The following ADAMTSL1 variants were observed in gnomAD, a reference collection of about 807,000 sequenced individuals.
ADAMTSL1 encodes the protein ADAMTS-like protein 1.
A neutral mutation model predicts 201.8 loss-of-function variants in ADAMTSL1; 126 were observed. That is an observed-to-expected ratio of 0.62 (90% CI 0.54 to 0.72). The LOEUF is 0.72. Among genes scored for constraint, ADAMTSL1 ranks in the 30% least tolerant of loss-of-function variants. The probability of loss-of-function intolerance (pLI) is 0.00; values close to 1 mark genes in which losing one functional copy is unlikely to be tolerated. For synonymous variants in ADAMTSL1, 1,121 were observed against 903.4 expected (o/e 1.24, Z -4.32); for missense variants, 2,679 against 2,277.8 (o/e 1.18, Z -3.59).
At chr9:18,665,618 A>G (rs1201150961) in intron 9 of ADAMTSL1, among the ~76,000 whole-genome samples, 1 of 152,024 alleles carries the variant, frequency 6.6e-6, no homozygotes, top group Non-Finnish European at 1.5e-5. Flanking sequence ...CACTCTACAC[A>G]TCTGTCTATT....
chr9:18,372,312 C>T (rs530280287), intron 2 of ADAMTSL1, among the ~76,000 whole-genome samples: 4 of 152,208 alleles, frequency 2.6e-5, no homozygotes, highest in East Asian at 3.9e-4. Flanking sequence ...GGGAAGGATA[C>T]GAATGAGTAA....
chr9:18,720,029 G>A (rs747011081), intron 14 of ADAMTSL1, among the ~76,000 whole-genome samples: 28 of 152,168 alleles, frequency 1.8e-4, no homozygotes, highest in Non-Finnish European at 2.4e-4. Context: ...ATCTTTAAAT[G>A]TAAGTATCTT....
intron 3 of ADAMTSL1, among the ~76,000 whole-genome samples, chr9:18,559,760 C>T (rs1237985878): frequency 6.6e-6 from 1 of 152,140 alleles, no homozygotes; most frequent in Non-Finnish European, 1.5e-5. Flanking sequence ...ATTTTATTCT[C>T]TTTGTAGCAA....
intron 4 of ADAMTSL1, among the ~76,000 whole-genome samples, chr9:18,594,442 T>C (rs1192624140): frequency 1.3e-5 from 2 of 152,194 alleles, no homozygotes; most frequent in African/African-American, 4.8e-5. Flanking sequence ...CAGTTCCCTC[T>C]TTAACACCAG....
chr9:18,661,850 T>C, intron 8 of ADAMTSL1, 85 bp from the exon 9 acceptor site: 3 of 1,375,932 alleles, frequency 2.2e-6, no homozygotes, highest in East Asian at 2.5e-5. Flanking sequence ...ATAATTTCCA[T>C]TGATGTGAGC....
chr9:18,095,416 CTTTTTTTTTTTT>C (rs35164794), intron 1 of ADAMTSL1, among the ~76,000 whole-genome samples: 6,260 of 100,234 alleles, frequency 0.062, 445 homozygotes, highest in African/African-American at 0.19. Context: ...TTCTTTCTTT[CTTTTTTTTTTTT>C]TTTTTTTTTT....
intron 2 of ADAMTSL1, among the ~76,000 whole-genome samples, chr9:18,355,483 A>T (rs1404802424): frequency 6.6e-6 from 1 of 152,172 alleles, no homozygotes; most frequent in Non-Finnish European, 1.5e-5. Context: ...TTAAAATTGT[A>T]TAAGCCCTTT....
At chr9:18,149,295 G>A (rs1396402237) in intron 1 of ADAMTSL1, among the ~76,000 whole-genome samples, 1 of 152,010 alleles carries the variant, frequency 6.6e-6, no homozygotes, top group Non-Finnish European at 1.5e-5. Flanking sequence ...AGCCATAGAG[G>A]AGCAGATGAT....
intron 9 of ADAMTSL1, among the ~76,000 whole-genome samples, chr9:18,666,716 T>C (rs139103827): frequency 6.6e-6 from 1 of 152,294 alleles, no homozygotes; most frequent in East Asian, 1.9e-4. Context: ...AGGTCCATCA[T>C]GTGGCCAGAA....
chr9:18,671,849 A>G (rs1177083619), intron 9 of ADAMTSL1, among the ~76,000 whole-genome samples: 1 of 152,116 alleles, frequency 6.6e-6, no homozygotes, highest in East Asian at 1.9e-4. Flanking sequence ...CATCCTGGCT[A>G]ACAAGGTGAA....
intron 2 of ADAMTSL1, among the ~76,000 whole-genome samples, chr9:18,392,790 T>C (rs1838104923): frequency 6.6e-6 from 1 of 152,214 alleles, no homozygotes; most frequent in African/African-American, 2.4e-5. Flanking sequence ...TCTTCTTAAT[T>C]ATGAGCCAGA....
intron 2 of ADAMTSL1, among the ~76,000 whole-genome samples, chr9:18,393,090 T>G (rs1029877387): frequency 5.3e-5 from 8 of 152,232 alleles, no homozygotes; most frequent in African/African-American, 9.6e-5. Context: ...CTGCTTTGAG[T>G]ATACTACTCA....
At chr9:18,885,606 C>T (rs1015594272) in intron 23 of ADAMTSL1, among the ~76,000 whole-genome samples, 2 of 152,180 alleles carry the variant, frequency 1.3e-5, no homozygotes, top group African/African-American at 4.8e-5. Flanking sequence ...TCAGCGGATA[C>T]ATGAAGGAGT....
At chr9:18,500,998 T>C (rs1477146763) in intron 1 of ADAMTSL1, among the ~76,000 whole-genome samples, 1 of 152,200 alleles carries the variant, frequency 6.6e-6, no homozygotes, top group Non-Finnish European at 1.5e-5. Context: ...TGAATTAAAA[T>C]ATTACATTTA....
At chr9:18,696,818 G>T in intron 13 of ADAMTSL1, among the ~76,000 whole-genome samples, 1 of 150,960 alleles carries the variant, frequency 6.6e-6, no homozygotes, top group East Asian at 1.9e-4. Flanking sequence ...TTTCAAAAGG[G>T]TACAATCATA....
intron 1 of ADAMTSL1, among the ~76,000 whole-genome samples, chr9:18,058,160 A>G (rs1822280671): frequency 6.6e-6 from 1 of 152,252 alleles, no homozygotes; most frequent in South Asian, 2.1e-4. Flanking sequence ...TAAATGAAAG[A>G]ATGCAAGAGT....
chr9:18,284,693 A>C (rs75394332), intron 2 of ADAMTSL1, among the ~76,000 whole-genome samples: 2,245 of 152,320 alleles, frequency 0.015, 63 homozygotes, highest in African/African-American at 0.052. Context: ...ATAAAACTTA[A>C]CTATTATTTC....
At chr9:18,106,429 G>A (rs768870288) in intron 1 of ADAMTSL1, among the ~76,000 whole-genome samples, 4 of 152,160 alleles carry the variant, frequency 2.6e-5, no homozygotes, top group Non-Finnish European at 5.9e-5. Context: ...ATTTCTCAAT[G>A]GAACCCCTGA....
intron 23 of ADAMTSL1, among the ~76,000 whole-genome samples, chr9:18,870,939 T>G (rs1827842257): frequency 6.6e-6 from 1 of 152,186 alleles, no homozygotes; most frequent in South Asian, 2.1e-4. Flanking sequence ...TTCATTCTGT[T>G]TTGCAAAATT....
Sources: gnomAD v4.1 joint callset for allele counts (sites outside exome capture counted in the v4.1 genomes callset) on GRCh38, gnomAD v4.1.1 for gene constraint, MANE v1.5 for transcripts, NCBI Gene and HGNC (gene_info 2026-07-23, HGNC 2026-07-21) for gene names.